The following ITSN1 variants were observed in gnomAD, a reference collection of about 807,000 sequenced individuals.
ITSN1 encodes intersectin-1.
ITSN1 carries 58 observed loss-of-function variants against 239.8 expected under a neutral mutation model. The observed-to-expected ratio is 0.24, with a 90% confidence interval of 0.20 to 0.30. The LOEUF is 0.30. Among genes scored for constraint, ITSN1 ranks in the 10% least tolerant of loss-of-function variants. The pLI, the probability that ITSN1 is intolerant of heterozygous loss-of-function variation, is 1.00. For missense variants in ITSN1, 1,558 were observed against 2,103.3 expected (o/e 0.74, Z 5.07); for synonymous variants, 780 against 770.8 (o/e 1.01, Z -0.20).
At chr21:33,742,080 G>A (rs1325558281) in intron 5 of ITSN1, among the ~76,000 whole-genome samples, 1 of 144,756 alleles carries the variant, frequency 6.9e-6, no homozygotes, top group Non-Finnish European at 1.5e-5. Flanking sequence ...TTTTTGAGGT[G>A]GAGTCTTGCT....
chr21:33,765,821 TA>T lies in ITSN1; in HGVS notation c.789-49del. The T allele has an allele frequency of 5.0e-6, 8 of 1,595,854 alleles. No individual in the cohort carries two copies. In the Middle Eastern group the frequency reaches 5.0e-4, roughly 99 times the overall value. ...TAACTTTTAAATCACTAATGAATAG[TA>T]AAAAGCATGAATTTTCATGAAACCG... On this transcript the variant is annotated intron_variant, in intron 9 of 39. Coordinates refer to ENST00000381318, the MANE Select transcript of ITSN1 (RefSeq NM_003024.3).
chr21:33,817,316 C>T (rs999018198), intron 22 of ITSN1: 1 of 1,304,304 alleles, frequency 7.7e-7, no homozygotes, highest in African/African-American at 1.5e-5. Flanking sequence ...CTGCAGTGTT[C>T]CACCTCGAGG....
Position 33,898,091 on chromosome 21 carries a change from T to C in ITSN1, c.*9791T>C, listed in dbSNP as rs2148598330. 1 of 152,270 alleles carries C rather than the reference T, an allele frequency of 6.6e-6. No homozygotes were observed. Among genetic ancestry groups the C allele is most frequent in the Middle Eastern group, 3.4e-3 (1 of 294 alleles). The allele number at this position is 152,270 out of a possible 1,614,324, so 9.4% of individuals were successfully genotyped here. On this transcript the variant is annotated 3_prime_UTR_variant, in exon 40 of 40. Transcript: ENST00000381318. ...GAAGGATGAGAGGATAGGGAGCCTG[T>C]TTTTCATCAGATCCATGTGCCACGC...
intron 1 of ITSN1, among the ~76,000 whole-genome samples, chr21:33,700,685 A>G (rs2091969765): frequency 6.6e-6 from 1 of 152,028 alleles, no homozygotes; most frequent in South Asian, 2.1e-4. Context: ...GGCATCTTAC[A>G]CTGAACAGCC....
At chr21:33,836,364 T>C (rs1335306352) in intron 28 of ITSN1, 77 bp from the exon 29 acceptor site, 5 of 1,046,714 alleles carry the variant, frequency 4.8e-6, no homozygotes, top group Non-Finnish European at 6.7e-6. Flanking sequence ...TAGCTGGGAA[T>C]GTTGAATGGC....
intron 5 of ITSN1, among the ~76,000 whole-genome samples, chr21:33,749,007 A>G (rs1304999200): frequency 7.5e-6 from 1 of 132,782 alleles, no homozygotes; most frequent in Non-Finnish European, 1.6e-5. Flanking sequence ...TTTTTTTTTG[A>G]GACAAGGATC....
chr21:33,882,181 C>G lies in ITSN1; in HGVS notation c.4342-62C>G. 5 of 1,420,336 alleles carry G rather than the reference C, an allele frequency of 3.5e-6. No individual in the cohort carries two copies. Among genetic ancestry groups the G allele is most frequent in the Middle Eastern group, 2.4e-4 (1 of 4,168 alleles). 88.0% of individuals were successfully genotyped at this position (1,420,336 alleles called of 1,614,324 possible). On this transcript the variant is annotated intron_variant, in intron 34 of 39. Coordinates refer to ENST00000381318, the MANE Select transcript of ITSN1 (RefSeq NM_003024.3). This position sits in a 1 kb window ranked among gnomAD's most constrained non-coding sequence, Gnocchi z 4.5. Reference sequence around the variant, plus strand: ...GCCTGGCCTCTGATTCTGATGGAGCCCATGCTTTCAGATGCGGAGAAACAA... The same window carrying G: ...GCCTGGCCTCTGATTCTGATGGAGCGCATGCTTTCAGATGCGGAGAAACAA...
At chr21:33,780,895 G>A (rs2070121475) in intron 14 of ITSN1, among the ~76,000 whole-genome samples, 1 of 152,126 alleles carries the variant, frequency 6.6e-6, no homozygotes, top group East Asian at 1.9e-4. Flanking sequence ...AAAAATAGTT[G>A]CTTCAAAACT....
chr21:33,837,473 T>C, intron 29 of ITSN1: 1 of 986,136 alleles, frequency 1.0e-6, no homozygotes, highest in Non-Finnish European at 1.2e-6. Flanking sequence ...AGACTTGATG[T>C]ATTTTTTCAT....
At chr21:33,648,266 T>C (rs1404822400) in intron 1 of ITSN1, among the ~76,000 whole-genome samples, 2 of 152,232 alleles carry the variant, frequency 1.3e-5, no homozygotes, top group African/African-American at 4.8e-5. Context: ...CAGCATCTTA[T>C]ATACATTAAC....
At chr21:33,810,487 T>G (rs2072823121) in intron 20 of ITSN1, among the ~76,000 whole-genome samples, 2 of 147,842 alleles carry the variant, frequency 1.4e-5, no homozygotes, top group African/African-American at 2.5e-5. Flanking sequence ...AAGGCCATGG[T>G]TTTTTTTTTT....
intron 6 of ITSN1, among the ~76,000 whole-genome samples, chr21:33,750,760 G>C (rs1602004813): frequency 6.6e-6 from 1 of 152,228 alleles, no homozygotes. Flanking sequence ...AAAAAGAACA[G>C]TTTATACTAT....
At chr21:33,815,531 A>C (rs1191011548) in intron 22 of ITSN1, among the ~76,000 whole-genome samples, 1 of 152,086 alleles carries the variant, frequency 6.6e-6, no homozygotes, top group Non-Finnish European at 1.5e-5. Flanking sequence ...ATGAAACCAC[A>C]CTGCAGGGGC....
At chr21:33,719,904 TA>T (rs1308922484) in intron 2 of ITSN1, among the ~76,000 whole-genome samples, 3 of 152,230 alleles carry the variant, frequency 2.0e-5, no homozygotes, top group East Asian at 1.9e-4. Flanking sequence ...AAGTACTTAT[TA>T]AAAAATACTT....
chr21:33,786,968 T>C (rs1313007250), intron 16 of ITSN1, among the ~76,000 whole-genome samples: 1 of 152,218 alleles, frequency 6.6e-6, no homozygotes, highest in Non-Finnish European at 1.5e-5. Flanking sequence ...TGATGAACCA[T>C]CTCCAGCTCT....
chr21:33,817,711 G>A, intron 22 of ITSN1: 1 of 1,015,664 alleles, frequency 9.8e-7, no homozygotes, highest in Non-Finnish European at 1.3e-6. Flanking sequence ...GCATGTAGAT[G>A]TACAATAAAT....
chr21:33,781,438 C>G (rs371096110), intron 14 of ITSN1, 23 bp from the exon 15 acceptor site: 17 of 1,355,350 alleles, frequency 1.3e-5, no homozygotes, highest in Non-Finnish European at 1.8e-5. Flanking sequence ...TCATTCATTA[C>G]TATTTTCCTC....
chr21:33,685,962 A>G (rs778475744), intron 1 of ITSN1, among the ~76,000 whole-genome samples: 5 of 152,198 alleles, frequency 3.3e-5, no homozygotes, highest in Non-Finnish European at 5.9e-5. Context: ...GCTGAAGCCA[A>G]TTTTGCCATA....
At chr21:33,828,403 C>G (rs766517066) in intron 26 of ITSN1, among the ~76,000 whole-genome samples, 1 of 152,210 alleles carries the variant, frequency 6.6e-6, no homozygotes, top group Non-Finnish European at 1.5e-5. Context: ...TTGCTTGCCC[C>G]AAGCTCTGCA....
Sources: gnomAD v4.1 joint callset for allele counts (sites outside exome capture counted in the v4.1 genomes callset) on GRCh38, gnomAD v4.1.1 for gene constraint, Gnocchi (gnomAD v3.1) non-coding constraint, MANE v1.5 for transcripts, NCBI Gene and HGNC (gene_info 2026-07-23, HGNC 2026-07-21) for gene names.